MYO16: variants seen among roughly 807,000 people sequenced by gnomAD.
MYO16 encodes unconventional myosin-XVI.
Under a neutral mutation model 205.3 loss-of-function variants are expected in MYO16, and 94 were observed. That is an observed-to-expected ratio of 0.46 (90% CI 0.39 to 0.54). The LOEUF (loss-of-function observed/expected upper bound fraction) is 0.54, where lower values mean the gene tolerates loss of function less well. Ranked by LOEUF, MYO16 falls within the 20% of genes least tolerant of loss-of-function variation. The pLI is 0.00. For synonymous variants in MYO16, 988 were observed against 954.0 expected, an observed-to-expected ratio of 1.04 and a Z score of -0.66; for missense variants, 2,315 against 2,387.5, an observed-to-expected ratio of 0.97 and a Z score of 0.63.
chr13:108,980,120 A>G (rs1367674026), intron 20 of MYO16, among the ~76,000 whole-genome samples: 1 of 152,164 alleles, frequency 6.6e-6, no homozygotes, highest in African/African-American at 2.4e-5. Context: ...TATATTAAAC[A>G]TTAGTGTTTT....
the MYO16 span, among the ~76,000 whole-genome samples, chr13:108,542,005 T>A: frequency 6.6e-6 from 1 of 152,158 alleles, no homozygotes; most frequent in African/African-American, 2.4e-5. Flanking sequence ...TAAACACACA[T>A]GCATGCTTAT....
At chr13:108,680,201 T>G (rs1882405285) in intron 2 of MYO16, among the ~76,000 whole-genome samples, 5 of 152,330 alleles carry the variant, frequency 3.3e-5, no homozygotes, top group African/African-American at 1.2e-4. Context: ...GCGGGCTCCA[T>G]GAGAGCAGGC....
At chr13:109,049,576 CT>C (rs1887168822) in intron 24 of MYO16, among the ~76,000 whole-genome samples, 2 of 124,062 alleles carry the variant, frequency 1.6e-5, no homozygotes, top group South Asian at 5.5e-4. Flanking sequence ...TTTTATTTTT[CT>C]TTTTAAATTT....
At chr13:108,868,482 T>G (rs989058080) in intron 12 of MYO16, among the ~76,000 whole-genome samples, 6 of 152,236 alleles carry the variant, frequency 3.9e-5, no homozygotes, top group Non-Finnish European at 8.8e-5. Context: ...AACTTTAAAA[T>G]TGGTTCATCT....
At chr13:109,002,273 T>C (rs1245100300) in intron 21 of MYO16, among the ~76,000 whole-genome samples, 13 of 152,214 alleles carry the variant, frequency 8.5e-5, no homozygotes, top group East Asian at 3.8e-4. Context: ...TTTAATTCTG[T>C]GATGTGTATG....
chr13:108,553,228 T>C, the MYO16 span, among the ~76,000 whole-genome samples: 1 of 151,850 alleles, frequency 6.6e-6, no homozygotes, highest in African/African-American at 2.4e-5. Context: ...CCTGACCTCA[T>C]GATCCCCCTG....
chr13:109,118,379 G>A (rs192504625), intron 28 of MYO16, among the ~76,000 whole-genome samples: 2 of 152,294 alleles, frequency 1.3e-5, no homozygotes, highest in East Asian at 3.9e-4. Flanking sequence ...CACTGTAAGA[G>A]ATCATACTCA....
At chr13:109,024,135 A>T (rs1886280265) in intron 23 of MYO16, among the ~76,000 whole-genome samples, 1 of 150,342 alleles carries the variant, frequency 6.7e-6, no homozygotes, top group Non-Finnish European at 1.5e-5. Flanking sequence ...AATATAATTC[A>T]TGTTCTTTGA....
intron 16 of MYO16, among the ~76,000 whole-genome samples, chr13:108,940,483 G>A (rs1262496899): frequency 1.3e-5 from 2 of 152,088 alleles, no homozygotes; most frequent in African/African-American, 2.4e-5. Context: ...TTCTGCAAAT[G>A]CACTTACTCC....
intron 20 of MYO16, among the ~76,000 whole-genome samples, chr13:108,985,141 T>C (rs1388474965): frequency 6.6e-6 from 1 of 152,224 alleles, no homozygotes. Context: ...CTCTGTGTTA[T>C]TGTATGGGAT....
intron 22 of MYO16, among the ~76,000 whole-genome samples, chr13:109,014,495 C>A (rs1885734564): frequency 6.6e-6 from 1 of 152,096 alleles, no homozygotes; most frequent in African/African-American, 2.4e-5. Context: ...TTTTCCAATT[C>A]TGTGAAGAAA....
chr13:109,186,338 G>A (rs963987703), intron 34 of MYO16, among the ~76,000 whole-genome samples: 1 of 152,180 alleles, frequency 6.6e-6, no homozygotes, highest in East Asian at 1.9e-4. Flanking sequence ...GGTGTCACAC[G>A]ACCTGCTGCT....
intron 18 of MYO16, among the ~76,000 whole-genome samples, chr13:108,962,116 T>A (rs577929172): frequency 6.6e-6 from 1 of 152,284 alleles, no homozygotes; most frequent in African/African-American, 2.4e-5. Flanking sequence ...AAACAACATA[T>A]CTTCACCTAT....
chr13:108,602,080 A>G (rs1392067677), intron 1 of MYO16, among the ~76,000 whole-genome samples: 1 of 133,488 alleles, frequency 7.5e-6, no homozygotes, highest in Non-Finnish European at 1.5e-5. Flanking sequence ...TCTCTCTCTC[A>G]TTGTTATGTG....
chr13:109,045,240 T>A (rs528597739), intron 23 of MYO16, among the ~76,000 whole-genome samples: 1 of 152,300 alleles, frequency 6.6e-6, no homozygotes, highest in African/African-American at 2.4e-5. Flanking sequence ...TATAGCCAGA[T>A]AACTCCACGC....
intron 34 of MYO16, among the ~76,000 whole-genome samples, chr13:109,204,735 G>A (rs1474719025): frequency 6.6e-6 from 1 of 152,200 alleles, no homozygotes; most frequent in Non-Finnish European, 1.5e-5. Flanking sequence ...GGGCCAGGCT[G>A]CCAGGATCTG....
chr13:108,507,390 A>G, the MYO16 span, among the ~76,000 whole-genome samples: 3 of 152,054 alleles, frequency 2.0e-5, no homozygotes, highest in African/African-American at 7.2e-5. Flanking sequence ...TTTGCCACAT[A>G]TAATATTCTT....
At chr13:108,926,096 T>A (rs942104633) in intron 16 of MYO16, among the ~76,000 whole-genome samples, 7 of 152,166 alleles carry the variant, frequency 4.6e-5, no homozygotes, top group African/African-American at 7.2e-5. Context: ...TTTGGAAACC[T>A]CCTTAATTTT....
chr13:109,168,317 G>A (rs906303248), intron 33 of MYO16, among the ~76,000 whole-genome samples: 1 of 152,034 alleles, frequency 6.6e-6, no homozygotes, highest in Non-Finnish European at 1.5e-5. Context: ...TCTGAAAACA[G>A]TAAAACATAA....
Sources: gnomAD v4.1 joint callset for allele counts (sites outside exome capture counted in the v4.1 genomes callset) on GRCh38, gnomAD v4.1.1 for gene constraint, MANE v1.5 for transcripts, NCBI Gene and HGNC (gene_info 2026-07-23, HGNC 2026-07-21) for gene names.